CUTC: variants seen among roughly 807,000 people sequenced by gnomAD.
CUTC encodes copper homeostasis protein cutC homolog.
CUTC carries 27 observed loss-of-function variants against 36.2 expected under a neutral mutation model. The observed-to-expected ratio is 0.75, with a 90% CI of 0.55 to 1.03. The LOEUF (loss-of-function observed/expected upper bound fraction) is 1.03, where lower values mean the gene tolerates loss of function less well. CUTC is among the 50% of genes least tolerant of loss of function. The pLI is 0.00. For synonymous variants in CUTC, 114 were observed against 118.3 expected, an observed-to-expected ratio of 0.96 and a Z score of 0.24; for missense variants, 315 against 343.5, an observed-to-expected ratio of 0.92 and a Z score of 0.66.
At chr10:99,741,069 A>C (rs751848603) in intron 3 of CUTC, among the ~76,000 whole-genome samples, 1 of 152,232 alleles carries the variant, frequency 6.6e-6, no homozygotes, top group Non-Finnish European at 1.5e-5. Context: ...TCATCTAATA[A>C]TATATCTTAT....
chr10:99,755,570 TA>T, intron 8 of CUTC, 54 bp from the exon 9 acceptor site: 1 of 1,121,970 alleles, frequency 8.9e-7, no homozygotes, highest in Non-Finnish European at 1.3e-6. Context: ...GAAGCGGCAG[TA>T]GGAGGGCCCA....
At chr10:99,739,494 C>G (rs1171355097) in intron 2 of CUTC, among the ~76,000 whole-genome samples, 1 of 152,046 alleles carries the variant, frequency 6.6e-6, no homozygotes, top group Non-Finnish European at 1.5e-5. Flanking sequence ...ACTAGCTTAA[C>G]TTTAATTAAT....
chr10:99,732,443 C>T, intron 1 of CUTC, 34 bp downstream of exon 1: 2 of 1,548,434 alleles, frequency 1.3e-6, no homozygotes, highest in East Asian at 2.4e-5. Context: ...GACGGTCGGC[C>T]GAAGGCTCCC....
At chr10:99,746,671 T>G (rs1243044052) in intron 5 of CUTC, among the ~76,000 whole-genome samples, 1 of 152,180 alleles carries the variant, frequency 6.6e-6, no homozygotes, top group East Asian at 1.9e-4. Context: ...TGTGGTGTGC[T>G]GATGAACTGG....
chr10:99,748,411 C>T (rs1416013180), intron 6 of CUTC, among the ~76,000 whole-genome samples: 1 of 152,124 alleles, frequency 6.6e-6, no homozygotes, highest in Non-Finnish European at 1.5e-5. Context: ...TCAGAAATTT[C>T]TCCTAAAGAT....
intron 3 of CUTC, among the ~76,000 whole-genome samples, chr10:99,742,159 A>C (rs1010958693): frequency 6.6e-6 from 1 of 152,180 alleles, no homozygotes; most frequent in Non-Finnish European, 1.5e-5. Context: ...TTCACTGCTT[A>C]ATGTCCAGTG....
At chr10:99,746,327 A>G (rs753195483) in intron 5 of CUTC, among the ~76,000 whole-genome samples, 3 of 152,122 alleles carry the variant, frequency 2.0e-5, no homozygotes, top group Non-Finnish European at 4.4e-5. Flanking sequence ...ACATAGACAC[A>G]TAGAGGGGAA....
chr10:99,739,613 G>A, intron 2 of CUTC, 97 bp from the exon 3 acceptor site: 1 of 1,086,282 alleles, frequency 9.2e-7, no homozygotes, highest in Non-Finnish European at 1.4e-6. Context: ...TGATTTCTAA[G>A]ACTGTTCTAT....
intron 1 of CUTC, among the ~76,000 whole-genome samples, chr10:99,734,497 T>C (rs1486420304): frequency 6.6e-6 from 1 of 151,928 alleles, no homozygotes; most frequent in Admixed American, 6.6e-5. Context: ...GTAGAAAAAA[T>C]AAAGCAATAA....
At position 99,739,781 on chromosome 10, in the gene CUTC, TTTTTCCCAGG is replaced by T; in HGVS notation, c.193+18_193+27del. The T allele has an allele frequency of 6.2e-7, 1 of 1,602,692 alleles. No homozygotes were observed. The highest frequency in any genetic ancestry group is 8.5e-7 in the Non-Finnish European group (1 of 1,175,808). ...TACACCCAGCATGGGTAAGTGTCCA[TTTTTCCCAGG>T]TTTTCTGATTGGAGTTCATAGAGCC... On this transcript the variant is annotated intron_variant, in intron 3 of 8. Transcript: ENST00000370476.
At chr10:99,749,022 G>A (rs1341144580) in intron 6 of CUTC, among the ~76,000 whole-genome samples, 1 of 152,066 alleles carries the variant, frequency 6.6e-6, no homozygotes, top group Non-Finnish European at 1.5e-5. Flanking sequence ...GTTTTAAAAG[G>A]TTACTCAGTA....
At chr10:99,732,431 G>C in intron 1 of CUTC, 22 bp downstream of exon 1, 1 of 1,549,532 alleles carries the variant, frequency 6.5e-7, no homozygotes. Context: ...GGCGGGGGAG[G>C]GGACGGTCGG....
intron 1 of CUTC, among the ~76,000 whole-genome samples, chr10:99,734,766 C>A (rs1198844664): frequency 1.3e-5 from 2 of 152,162 alleles, no homozygotes; most frequent in East Asian, 3.9e-4. Flanking sequence ...ATGGTAGATA[C>A]TGTGCTTGGT....
intron 1 of CUTC, 127 bp downstream of exon 1, chr10:99,732,536 A>G (rs2037220794): frequency 6.7e-7 from 1 of 1,481,580 alleles, no homozygotes; most frequent in South Asian, 1.4e-5. Context: ...CTTGGGCGGC[A>G]CCTTCTATCT....
rs953074325 is a variant in CUTC at position 99,750,001 on chromosome 10, A to G, written c.574-368A>G. Among the ~76,000 whole-genome samples the G allele has an allele frequency of 2.0e-5, 3 of 152,152 alleles. No homozygotes were observed. The South Asian group carries it at 6.2e-4, about 31-fold the overall frequency. ...AACTGACTAAAGACAGATTAGCAGGAGTAAAAAGAGATTTTATCACATAAG... is the reference window on the plus strand; with the variant it reads ...AACTGACTAAAGACAGATTAGCAGGGGTAAAAAGAGATTTTATCACATAAG... On this transcript the variant is annotated intron_variant, in intron 6 of 8. Coordinates refer to ENST00000370476, the MANE Select transcript of CUTC (RefSeq NM_015960.3).
Position 99,732,250 on chromosome 10 carries a change from C to A in CUTC, c.-99C>A. 2.0e-6 allele frequency: 3 copies of A among 1,524,618 alleles called. No individual in the cohort carries two copies. Among genetic ancestry groups the A allele is most frequent in the Non-Finnish European group, 2.6e-6 (3 of 1,135,686 alleles). 94.4% of individuals were successfully genotyped at this position (1,524,618 alleles called of 1,614,324 possible). A position where few individuals can be genotyped will look rare whatever the true frequency, so the allele number is the denominator to read the frequency against. On this transcript the variant is annotated 5_prime_UTR_variant, in exon 1 of 9. Transcript: ENST00000370476. Reference sequence around the variant, plus strand: ...GGCGTAGGTGTCGGGGACGCGCGCACGGGCGCGCGCAGCTGTTGACGCGCT... The same window carrying A: ...GGCGTAGGTGTCGGGGACGCGCGCAAGGGCGCGCGCAGCTGTTGACGCGCT...
intron 4 of CUTC, 116 bp from the exon 5 acceptor site, chr10:99,743,921 A>G (rs2037359163): frequency 1.5e-6 from 1 of 658,228 alleles, no homozygotes; most frequent in Admixed American, 3.3e-5. Context: ...ATGTCAGTTT[A>G]CTGTCTTGTT....
intron 1 of CUTC, among the ~76,000 whole-genome samples, chr10:99,735,101 C>CAAAAAAAAAAGAAA (rs2037284438): frequency 1.5e-5 from 1 of 68,770 alleles, no homozygotes; most frequent in Non-Finnish European, 2.5e-5. Context: ...GACTCTGTAT[C>CAAAAAAAAAAGAAA]AAAAAAAAAA....
At position 99,747,322 on chromosome 10, in the gene CUTC, G is replaced by T. The variant is rs1373070986; in HGVS notation, c.505G>T (p.Val169Leu). The stretch of plus-strand genomic sequence containing the variant: ...CCTCTTAACCTTGGGATTTGAACGC[G>T]TGTTGACCAGTGGATGTGACAGTTC... ...ETLLTLGFER[V>L]LTSGCDSSAL... The change falls in exon 6 of 9, where the codon GTG becomes TTG. Residue 169 changes from valine (V) to leucine (L), a missense_variant. Physicochemically the swap from Val to Leu is conservative, Grantham distance 32 (BLOSUM62 1). Coordinates refer to ENST00000370476, the MANE Select transcript of CUTC (RefSeq NM_015960.3). The T allele has an allele frequency of 6.2e-7, 1 of 1,614,038 alleles. No individual in the cohort carries two copies. Among genetic ancestry groups the T allele is most frequent in the African/African-American group, 1.3e-5 (1 of 74,942 alleles).
Sources: gnomAD v4.1 joint callset for allele counts (sites outside exome capture counted in the v4.1 genomes callset) on GRCh38, gnomAD v4.1.1 for gene constraint, MANE v1.5 for transcripts, NCBI Gene and HGNC (gene_info 2026-07-23, HGNC 2026-07-21) for gene names.